RIN2: variants seen among roughly 807,000 people sequenced by gnomAD.
RIN2 encodes RAB5 interacting protein 2.
RIN2 carries 36 observed loss-of-function variants against 78.0 expected under a neutral mutation model. The observed-to-expected ratio is 0.46, with a 90% CI of 0.35 to 0.61. The LOEUF is 0.61. Among genes scored for constraint, RIN2 ranks in the 20% least tolerant of loss-of-function variants. RIN2 has a pLI of 0.00. For synonymous variants in RIN2, 466 were observed against 466.8 expected (o/e 1.00, Z 0.02); for missense variants, 1,087 against 1,159.7 (o/e 0.94, Z 0.91).
At chr20:19,823,325 T>C in intron 2 of RIN2, 1 of 596,324 alleles carries the variant, frequency 1.7e-6, no homozygotes, top group Non-Finnish European at 3.0e-6. Flanking sequence ...CATCTTACTC[T>C]TTCGTGGCTG....
intron 4 of RIN2, among the ~76,000 whole-genome samples, chr20:19,946,720 A>G (rs577922848): frequency 6.6e-6 from 1 of 151,282 alleles, no homozygotes; most frequent in East Asian, 1.9e-4. Flanking sequence ...TCTCAAAAAA[A>G]AAAAAAAAAA....
intron 2 of RIN2, among the ~76,000 whole-genome samples, chr20:19,875,861 G>A (rs2058678879): frequency 1.3e-5 from 2 of 152,194 alleles, no homozygotes; most frequent in South Asian, 4.1e-4. Flanking sequence ...ATTAGGGTCG[G>A]CGCAGTCCAA....
At chr20:19,909,513 GTGC>G (rs2039369564) in intron 3 of RIN2, among the ~76,000 whole-genome samples, 1 of 152,090 alleles carries the variant, frequency 6.6e-6, no homozygotes, top group Non-Finnish European at 1.5e-5. Context: ...GAGCATTTGT[GTGC>G]TTGTGTGCAC....
intron 2 of RIN2, among the ~76,000 whole-genome samples, chr20:19,888,049 C>A (rs530034304): frequency 2.3e-4 from 35 of 152,264 alleles, no homozygotes; most frequent in African/African-American, 8.2e-4. Context: ...AGAACCTGAA[C>A]TTCTAGAGTC....
In RIN2 at chr20:19,853,948, G is replaced by C. The variant is rs370380794; in HGVS notation, c.-36-35618G>C. On this transcript the variant is annotated intron_variant, in intron 2 of 12. Coordinates refer to ENST00000255006, the MANE Select transcript of RIN2 (RefSeq NM_018993.4). Reference sequence around the variant, plus strand: ...CTTTTGGTGTTTTAGTCATGAAGTCGTTGCCCATGCCTATGTCCTGAATGG... The same window carrying C: ...CTTTTGGTGTTTTAGTCATGAAGTCCTTGCCCATGCCTATGTCCTGAATGG... 7.3e-3 allele frequency among the ~76,000 whole-genome samples: 1,115 copies of C among 152,144 alleles called. 11 individuals carry two copies. Among genetic ancestry groups the C allele is most frequent in the South Asian group, 0.044 (211 of 4,822 alleles).
chr20:19,886,806 C>T (rs779707431), intron 2 of RIN2: 1 of 1,379,938 alleles, frequency 7.2e-7, no homozygotes, highest in Non-Finnish European at 1.0e-6. Context: ...CTTAGTCTAG[C>T]CTGTTACTGG....
intron 2 of RIN2, among the ~76,000 whole-genome samples, chr20:19,853,090 T>A (rs1481686877): frequency 1.0e-4 from 15 of 143,044 alleles, no homozygotes; most frequent in South Asian, 2.2e-4. Flanking sequence ...TGTCCATGTG[T>A]TCTCATTGTT....
At chr20:19,864,642 C>T (rs1177547931) in intron 2 of RIN2, among the ~76,000 whole-genome samples, 1 of 152,144 alleles carries the variant, frequency 6.6e-6, no homozygotes, top group African/African-American at 2.4e-5. Flanking sequence ...GGGTTAAAGA[C>T]TTATTAGGAA....
At chr20:19,961,840 C>G (rs778921260) in intron 6 of RIN2, among the ~76,000 whole-genome samples, 1 of 152,008 alleles carries the variant, frequency 6.6e-6, no homozygotes, top group Non-Finnish European at 1.5e-5. Flanking sequence ...CACAAGCAGG[C>G]GGAACCCAGC....
chr20:19,955,426 TCCCA>T (rs2041493582), intron 4 of RIN2, among the ~76,000 whole-genome samples: 1 of 152,040 alleles, frequency 6.6e-6, no homozygotes, highest in African/African-American at 2.4e-5. Context: ...AGCCTTAAAC[TCCCA>T]GGCTAGAGCC....
intron 9 of RIN2, among the ~76,000 whole-genome samples, chr20:19,987,801 T>C (rs1442602339): frequency 3.3e-5 from 5 of 152,238 alleles, no homozygotes; most frequent in Admixed American, 3.3e-4. Flanking sequence ...TCTGCTTTTT[T>C]TCCTACTTTA....
intron 7 of RIN2, among the ~76,000 whole-genome samples, chr20:19,970,556 C>T (rs1376909375): frequency 6.6e-6 from 1 of 152,150 alleles, no homozygotes. Flanking sequence ...CTGATGTAAA[C>T]TCTACATACG....
At chr20:19,770,543 A>G (rs2034071051) in intron 1 of RIN2, among the ~76,000 whole-genome samples, 1 of 152,068 alleles carries the variant, frequency 6.6e-6, no homozygotes, top group Non-Finnish European at 1.5e-5. Flanking sequence ...CATCTGGAGG[A>G]GGAAATGTGA....
At chr20:19,969,986 T>C (rs2042055758) in intron 7 of RIN2, among the ~76,000 whole-genome samples, 1 of 152,246 alleles carries the variant, frequency 6.6e-6, no homozygotes, top group Non-Finnish European at 1.5e-5. Flanking sequence ...AAGCAAGTCA[T>C]GGCCCATGGC....
At chr20:19,876,515 G>A (rs1356093697) in intron 2 of RIN2, among the ~76,000 whole-genome samples, 1 of 152,200 alleles carries the variant, frequency 6.6e-6, no homozygotes, top group South Asian at 2.1e-4. Flanking sequence ...CCAGATGTAG[G>A]GAGGGCTCAT....
intron 9 of RIN2, among the ~76,000 whole-genome samples, chr20:19,980,650 A>G (rs1048708773): frequency 2.0e-5 from 3 of 152,212 alleles, no homozygotes; most frequent in Non-Finnish European, 2.9e-5. Flanking sequence ...CCCAAAAGAC[A>G]CCTAAAATGC....
intron 3 of RIN2, among the ~76,000 whole-genome samples, chr20:19,904,922 T>C (rs2039152919): frequency 6.6e-6 from 1 of 152,236 alleles, no homozygotes; most frequent in African/African-American, 2.4e-5. Flanking sequence ...GTTGCTGTTC[T>C]TTCTCTACAC....
At chr20:19,760,212 A>G (rs6046302) in intron 1 of RIN2, among the ~76,000 whole-genome samples, 105,978 of 152,060 alleles carry the variant, frequency 0.7, 37,759 homozygotes, top group East Asian at 0.81. Context: ...GTCCCGGGAC[A>G]GTGAAGGGCC....
At chr20:19,853,510 G>T (rs1263532334) in intron 2 of RIN2, among the ~76,000 whole-genome samples, 4 of 152,164 alleles carry the variant, frequency 2.6e-5, no homozygotes. Context: ...CAGTGTAAAA[G>T]TGTTCCTGTT....
Sources: gnomAD v4.1 joint callset for allele counts (sites outside exome capture counted in the v4.1 genomes callset) on GRCh38, gnomAD v4.1.1 for gene constraint, MANE v1.5 for transcripts, NCBI Gene and HGNC (gene_info 2026-07-23, HGNC 2026-07-21) for gene names.